The following ACAD10 variants were observed in gnomAD, a reference collection of about 807,000 sequenced individuals.
ACAD10 encodes the protein acyl-CoA dehydrogenase family member 10, also known as ACAD-10.
Under a neutral mutation model 116.8 loss-of-function variants are expected in ACAD10, and 112 were observed. The observed-to-expected ratio is 0.96, with a 90% CI of 0.82 to 1.12. The LOEUF is 1.12. Among genes scored for constraint, ACAD10 ranks in the 50% most tolerant of loss-of-function variants. The pLI, the probability that ACAD10 is intolerant of heterozygous loss-of-function variation, is 0.00. For missense variants in ACAD10, 1,259 were observed against 1,350.2 expected (o/e 0.93, Z 1.06); for synonymous variants, 486 against 510.6 (o/e 0.95, Z 0.65).
intron 9 of ACAD10, among the ~76,000 whole-genome samples, chr12:111,729,509 G>A (rs957275116): frequency 9.2e-5 from 14 of 152,186 alleles, no homozygotes; most frequent in African/African-American, 3.1e-4. Context: ...TGGGATTACA[G>A]GTGTGAGCCA....
At chr12:111,737,824 T>C (rs1479942162) in intron 12 of ACAD10, among the ~76,000 whole-genome samples, 1 of 151,928 alleles carries the variant, frequency 6.6e-6, no homozygotes, top group African/African-American at 2.4e-5. Flanking sequence ...TTAACAACTA[T>C]ATGAGGCAAA....
chr12:111,701,686 C>T (rs1356842693), intron 2 of ACAD10, among the ~76,000 whole-genome samples: 2 of 152,078 alleles, frequency 1.3e-5, no homozygotes, highest in African/African-American at 4.8e-5. Context: ...AAATTTGCTT[C>T]CTTATCCACA....
At chr12:111,711,201 T>TTTG (rs138493229) in intron 5 of ACAD10, among the ~76,000 whole-genome samples, 3 of 152,096 alleles carry the variant, frequency 2.0e-5, no homozygotes, top group Admixed American at 2.0e-4. Flanking sequence ...TGCTAAATTT[T>TTTG]TTGTTGTTGT....
intron 4 of ACAD10, among the ~76,000 whole-genome samples, chr12:111,709,293 G>A (rs1024423007): frequency 1.3e-5 from 2 of 152,168 alleles, no homozygotes; most frequent in Admixed American, 6.6e-5. Flanking sequence ...GGGTCACAGT[G>A]TCTGAAACAG....
chr12:111,704,671 T>C lies in ACAD10; in HGVS notation c.337-1067T>C, dbSNP rs182900837. On this transcript the variant is annotated intron_variant, in intron 3 of 20. Transcript: ENST00000313698. ...AATGTGATAATATAAGAGTTTTCTT[T>C]CTTTCTTTCTTTCTTTCTTTTTTTT... Among the ~76,000 whole-genome samples, 603 of 138,596 alleles carry C rather than the reference T, an allele frequency of 4.4e-3. 3 individuals carry two copies. The highest frequency in any genetic ancestry group is 5.8e-3 in the South Asian group (25 of 4,304). The allele number at this position is 138,596 out of a possible 152,430, so 90.9% of individuals were successfully genotyped here.
At position 111,747,363 on chromosome 12, in the gene ACAD10, C is replaced by T. The variant is rs370946390; in HGVS notation, c.2463C>T (p.Asn821=). ...IREEDSFYVI[N]GHKWWITGIL... ...AGGAGGACAGCTTCTATGTCATAAA[C>T]GGTCACAAATGGTGGATCACAGGTA... The change falls in exon 16 of 21, where the codon AAC becomes AAT. Residue 821 remains asparagine (N), a synonymous_variant. Coordinates refer to ENST00000313698, the MANE Select transcript of ACAD10 (RefSeq NM_025247.6). 1.0e-4 allele frequency: 169 copies of T among 1,614,062 alleles called. No homozygotes were observed. Among genetic ancestry groups the T allele is most frequent in the Admixed American group, 1.8e-4 (11 of 59,988 alleles).
intron 8 of ACAD10, among the ~76,000 whole-genome samples, chr12:111,725,067 A>T (rs1450254505): frequency 2.6e-5 from 4 of 152,242 alleles, no homozygotes; most frequent in Non-Finnish European, 5.9e-5. Flanking sequence ...CTTCATCTAG[A>T]TCAAAAATTA....
chr12:111,753,435 C>G (rs1196203425), intron 18 of ACAD10: 2 of 496,904 alleles, frequency 4.0e-6, no homozygotes, highest in Admixed American at 4.6e-5. Flanking sequence ...GGGTCAGATG[C>G]TGGCTCAGAT....
intron 18 of ACAD10, among the ~76,000 whole-genome samples, chr12:111,750,186 G>C (rs1890034958): frequency 6.6e-6 from 1 of 151,074 alleles, no homozygotes. Context: ...CTGCCTACTG[G>C]GTTCACACCA....
At chr12:111,724,771 G>A (rs1889162885) in intron 8 of ACAD10, among the ~76,000 whole-genome samples, 1 of 151,882 alleles carries the variant, frequency 6.6e-6, no homozygotes, top group Non-Finnish European at 1.5e-5. Flanking sequence ...CTCGGCATGA[G>A]AGGGAGACCG....
At chr12:111,691,628 C>T (rs984026473) in intron 1 of ACAD10, among the ~76,000 whole-genome samples, 8 of 143,520 alleles carry the variant, frequency 5.6e-5, no homozygotes, top group Non-Finnish European at 7.5e-5. Context: ...TGGACTCTGG[C>T]TTTCTCACCC....
chr12:111,749,465 C>G, intron 18 of ACAD10, 120 bp downstream of exon 18: 1 of 1,331,504 alleles, frequency 7.5e-7, no homozygotes, highest in Non-Finnish European at 1.0e-6. Context: ...AAGGTGATGT[C>G]CTTGCCAAGA....
chr12:111,722,286 A>G (rs557825651), intron 8 of ACAD10, among the ~76,000 whole-genome samples: 1 of 151,880 alleles, frequency 6.6e-6, no homozygotes, highest in Non-Finnish European at 1.5e-5. Context: ...CTGGTCTCCA[A>G]CTCCTGACCT....
intron 2 of ACAD10, among the ~76,000 whole-genome samples, chr12:111,700,745 CTT>C (rs1383982644): frequency 7.4e-6 from 1 of 134,398 alleles, no homozygotes. Context: ...CTTCCTTCCT[CTT>C]CTTTTTTTTT....
intron 2 of ACAD10, among the ~76,000 whole-genome samples, chr12:111,696,910 T>C (rs1201265901): frequency 6.6e-6 from 1 of 151,848 alleles, no homozygotes; most frequent in Non-Finnish European, 1.5e-5. Flanking sequence ...TGAAACCCCG[T>C]CTCTACTAAA....
chr12:111,727,141 G>A (rs183980247), intron 8 of ACAD10, among the ~76,000 whole-genome samples: 3 of 151,136 alleles, frequency 2.0e-5, no homozygotes. Flanking sequence ...CAGGATAATC[G>A]CTTGAACCCA....
intron 6 of ACAD10, 146 bp from the exon 7 acceptor site, chr12:111,715,675 A>G: frequency 1.9e-6 from 2 of 1,050,284 alleles, no homozygotes; most frequent in South Asian, 3.1e-5. Context: ...CACTCCTAGT[A>G]GGCAGAGAAG....
chr12:111,712,625 A>G lies in ACAD10; in HGVS notation c.818A>G (p.Tyr273Cys), dbSNP rs899143118. ...ATTCCGAAAGATTCCTTGCAGAAGT[A>G]CCTCAAAGACTTACTGGGTATCCAG... Reference protein sequence around the residue: ...MEIPKDSLQKYLKDLLGIQTT... With the variant: ...MEIPKDSLQKCLKDLLGIQTT... The change falls in exon 6 of 21, where the codon TAC (tyrosine) becomes TGC (cysteine). Residue 273 changes from tyrosine to cysteine, a missense_variant. Physicochemically the swap from Tyr to Cys is radical, Grantham distance 194. Coordinates refer to ENST00000313698, the MANE Select transcript of ACAD10 (RefSeq NM_025247.6). 5 of 1,614,140 alleles carry G rather than the reference A, an allele frequency of 3.1e-6. No individual in the cohort carries two copies. Among genetic ancestry groups the G allele is most frequent in the Non-Finnish European group, 4.2e-6 (5 of 1,180,008 alleles).
At chr12:111,691,958 C>T (rs1167622690) in intron 1 of ACAD10, among the ~76,000 whole-genome samples, 1 of 151,672 alleles carries the variant, frequency 6.6e-6, no homozygotes, top group East Asian at 2.0e-4. Context: ...AATGGGGAGC[C>T]ATTGAAGGTG....
Sources: allele counts gnomAD v4.1 joint callset (sites outside exome capture counted in the v4.1 genomes callset), GRCh38; gene constraint gnomAD v4.1.1; transcripts MANE v1.5; gene names NCBI Gene and HGNC (gene_info 2026-07-23, HGNC 2026-07-21).